CADM2: variants seen among roughly 807,000 people sequenced by gnomAD.
CADM2 encodes the protein cell adhesion molecule 2, also known as immunoglobulin superfamily member 4D.
CADM2 carries 12 observed loss-of-function variants against 49.8 expected under a neutral mutation model. That is an observed-to-expected ratio of 0.24 (90% confidence interval 0.15 to 0.39). The LOEUF is 0.39. Ranked by LOEUF, CADM2 falls within the 10% of genes least tolerant of loss-of-function variation. CADM2 has a pLI of 1.00. For missense variants in CADM2, 378 were observed against 492.3 expected (o/e 0.77, Z 2.20); for synonymous variants, 214 against 175.4 (o/e 1.22, Z -1.74).
At chr3:85,342,434 TA>T (rs2107198535) in intron 1 of CADM2, among the ~76,000 whole-genome samples, 1 of 152,216 alleles carries the variant, frequency 6.6e-6, no homozygotes, top group South Asian at 2.1e-4. Flanking sequence ...GATTTATACA[TA>T]ATTTCAATTT....
At chr3:85,210,702 G>A (rs2041757970) in intron 1 of CADM2, among the ~76,000 whole-genome samples, 1 of 151,938 alleles carries the variant, frequency 6.6e-6, no homozygotes, top group Non-Finnish European at 1.5e-5. Context: ...CACCAAGCCC[G>A]GCTAATTATT....
intron 1 of CADM2, among the ~76,000 whole-genome samples, chr3:85,320,708 C>T (rs1313976684): frequency 6.6e-6 from 1 of 152,090 alleles, no homozygotes; most frequent in Non-Finnish European, 1.5e-5. Flanking sequence ...TCAGCAATCC[C>T]TTAGTAATGT....
chr3:85,350,730 G>A (rs550119745), intron 1 of CADM2, among the ~76,000 whole-genome samples: 3 of 152,022 alleles, frequency 2.0e-5, no homozygotes, highest in East Asian at 1.9e-4. Flanking sequence ...GAAGGTACTC[G>A]TCATCTAGAA....
chr3:85,358,643 G>A (rs1468929890), intron 1 of CADM2, among the ~76,000 whole-genome samples: 1 of 152,044 alleles, frequency 6.6e-6, no homozygotes, highest in African/African-American at 2.4e-5. Flanking sequence ...GAAAGAAATT[G>A]CATAGCCAAT....
At chr3:85,167,489 G>A (rs924358925) in intron 1 of CADM2, among the ~76,000 whole-genome samples, 1 of 152,062 alleles carries the variant, frequency 6.6e-6, no homozygotes, top group Non-Finnish European at 1.5e-5. Flanking sequence ...AAGCAACTGT[G>A]AGTGCCAAAT....
At chr3:85,330,374 G>C (rs547961109) in intron 1 of CADM2, among the ~76,000 whole-genome samples, 1 of 151,972 alleles carries the variant, frequency 6.6e-6, no homozygotes, top group Admixed American at 6.6e-5. Flanking sequence ...GTATGTTTCC[G>C]TTGTGAAATC....
At chr3:85,425,964 A>G (rs2036383900) in intron 1 of CADM2, among the ~76,000 whole-genome samples, 1 of 152,154 alleles carries the variant, frequency 6.6e-6, no homozygotes, top group Admixed American at 6.5e-5. Flanking sequence ...TACTTGAGAA[A>G]ATGGGAATAA....
intron 1 of CADM2, among the ~76,000 whole-genome samples, chr3:85,106,888 T>C (rs1484513897): frequency 2.6e-5 from 4 of 152,096 alleles, no homozygotes; most frequent in Admixed American, 6.6e-5. Context: ...TCTACACAAA[T>C]AGTGAGTTTG....
chr3:85,669,742 A>T (rs1408382186), intron 1 of CADM2, among the ~76,000 whole-genome samples: 1 of 152,176 alleles, frequency 6.6e-6, no homozygotes, highest in African/African-American at 2.4e-5. Flanking sequence ...GGAAATATAA[A>T]TATAACCAAT....
At chr3:85,552,106 C>A (rs1271445063) in intron 1 of CADM2, among the ~76,000 whole-genome samples, 4 of 152,002 alleles carry the variant, frequency 2.6e-5, no homozygotes, top group African/African-American at 9.7e-5. Context: ...AAATAAACGT[C>A]ATTTCTGGGA....
At chr3:85,837,411 TA>T (rs1228808140) in intron 3 of CADM2, among the ~76,000 whole-genome samples, 1 of 150,148 alleles carries the variant, frequency 6.7e-6, no homozygotes, top group African/African-American at 2.5e-5. Context: ...ATAATTTAAT[TA>T]GGGGGAAAAA....
Position 85,935,856 on chromosome 3 carries a change from C to A in CADM2, c.790C>A (p.Leu264Met). ...ILTCESKGKP[L>M]PEPVLWTKDG... ...GACTTGTGAATCCAAAGGAAAACCA[C>A]TGTAAGTGAGTTAATGAGCAATAAA... The change falls in exon 7 of 10, where the codon CTG (leucine) becomes ATG (methionine). Residue 264 changes from leucine (L) to methionine (M), a missense_variant and splice_region_variant. Coordinates refer to ENST00000383699, the MANE Select transcript of CADM2 (RefSeq NM_001167675.2). 6.3e-7 allele frequency: 1 copy of A among 1,575,978 alleles called. No homozygotes were observed.
At chr3:85,658,576 G>GTATATA (rs397990421) in intron 1 of CADM2, among the ~76,000 whole-genome samples, 1,243 of 68,580 alleles carry the variant, frequency 0.018, 36 homozygotes, top group Non-Finnish European at 0.021. Context: ...GGATATATGT[G>GTATATA]TATATATATA....
At chr3:85,199,369 A>AGAGAGAGAGAGAGAGAGAGAG (rs1559716313) in intron 1 of CADM2, among the ~76,000 whole-genome samples, 9 of 92,026 alleles carry the variant, frequency 9.8e-5, no homozygotes, top group African/African-American at 3.3e-4. Flanking sequence ...GTGTGTGTGT[A>AGAGAGAGAGAGAGAGAGAGAG]TGAGAGAGAG....
At chr3:85,696,450 G>GTA in intron 1 of CADM2, among the ~76,000 whole-genome samples, 1 of 151,960 alleles carries the variant, frequency 6.6e-6, no homozygotes, top group Non-Finnish European at 1.5e-5. Flanking sequence ...TGTATATGAT[G>GTA]AGAGATAGGG....
chr3:85,813,935 ACT>A (rs2073043656), intron 3 of CADM2, among the ~76,000 whole-genome samples: 2 of 152,130 alleles, frequency 1.3e-5, no homozygotes, highest in Admixed American at 1.3e-4. Context: ...TGTATTGGTT[ACT>A]GTAGCCTTGT....
At chr3:85,983,781 ATCTG>A (rs1418799996) in intron 8 of CADM2, among the ~76,000 whole-genome samples, 24 of 136,894 alleles carry the variant, frequency 1.8e-4, no homozygotes, top group East Asian at 4.6e-4. Context: ...ATTTATATCT[ATCTG>A]TCTATCTACC....
At chr3:85,315,120 A>AATCT (rs1000981266) in intron 1 of CADM2, among the ~76,000 whole-genome samples, 30 of 152,248 alleles carry the variant, frequency 2.0e-4, no homozygotes, top group African/African-American at 7.0e-4. Context: ...ATGTCACTCC[A>AATCT]ATCTTTGTTT....
At chr3:85,154,696 C>T (rs1356240068) in intron 1 of CADM2, among the ~76,000 whole-genome samples, 1 of 149,112 alleles carries the variant, frequency 6.7e-6, no homozygotes, top group African/African-American at 2.5e-5. Flanking sequence ...AGAGAAAGGT[C>T]GGGTTACCCT....
Sources: allele counts gnomAD v4.1 joint callset (sites outside exome capture counted in the v4.1 genomes callset), GRCh38; gene constraint gnomAD v4.1.1; transcripts MANE v1.5; gene names NCBI Gene and HGNC (gene_info 2026-07-23, HGNC 2026-07-21).